Variants in GPC4 observed in about 807,000 individuals in gnomAD.
GPC4 encodes glypican 4, also known as glypican-4.
GPC4 carries 10 observed loss-of-function variants against 35.0 expected under a neutral mutation model. The observed-to-expected ratio is 0.29, with a 90% confidence interval of 0.18 to 0.48. The LOEUF is 0.48. GPC4 is among the 20% of genes least tolerant of loss of function. The probability of loss-of-function intolerance (pLI) is 0.99; values close to 1 mark genes in which losing one functional copy is unlikely to be tolerated. For missense variants in GPC4, 322 were observed against 451.3 expected, an observed-to-expected ratio of 0.71 and a Z score of 2.60; for synonymous variants, 167 against 170.2, an observed-to-expected ratio of 0.98 and a Z score of 0.15.
At chrX:133,378,615 A>C (rs113833637) in intron 1 of GPC4, among the ~76,000 whole-genome samples, 3,624 of 109,693 alleles carry the variant, frequency 0.033, 159 homozygotes, top group African/African-American at 0.11. Context: ...AAATCCCATA[A>C]CTTAACCATC....
rs759177052 is a variant in GPC4 at position 133,300,218 on chromosome X, A to T, written c.*2649T>A. On this transcript the variant is annotated 3_prime_UTR_variant, in exon 9 of 9. Coordinates refer to ENST00000370828, the MANE Select transcript of GPC4 (RefSeq NM_001448.3). ...TAACTAAACTTTAGAAATTTACGTC[A>T]ATTCTTCGCAGTGTCTTTTAATCAA... 5 of 112,579 alleles carry T rather than the reference A, an allele frequency of 4.4e-5. No homozygotes were observed. The highest frequency in any genetic ancestry group is 9.4e-5 in the Non-Finnish European group (5 of 53,306). 9.3% of individuals were successfully genotyped at this position (112,579 alleles called of 1,213,427 possible). A position where few individuals can be genotyped will look rare whatever the true frequency, so the allele number is the denominator to read the frequency against.
At chrX:133,355,505 T>G (rs1330123608) in intron 1 of GPC4, among the ~76,000 whole-genome samples, 6 of 112,237 alleles carry the variant, frequency 5.3e-5, no homozygotes, top group Non-Finnish European at 7.5e-5. Context: ...GAAATAGTCA[T>G]GATGCATTTT....
intron 1 of GPC4, among the ~76,000 whole-genome samples, chrX:133,388,591 G>A (rs2068703884): frequency 9.1e-6 from 1 of 109,327 alleles, no homozygotes. Flanking sequence ...CTGGAGTGCA[G>A]TGGTATGATC....
chrX:133,404,699 A>G (rs2068779470), intron 1 of GPC4, among the ~76,000 whole-genome samples: 1 of 109,680 alleles, frequency 9.1e-6, no homozygotes, highest in Non-Finnish European at 1.9e-5. Context: ...TACTAAAAAT[A>G]TACAAATTAG....
chrX:133,316,768 C>A (rs2068340246), intron 3 of GPC4, among the ~76,000 whole-genome samples: 1 of 111,579 alleles, frequency 9.0e-6, no homozygotes, highest in Non-Finnish European at 1.9e-5. Flanking sequence ...ATGTGTATTA[C>A]TCATCAGTCC....
chrX:133,336,042 T>G (rs779991274), intron 2 of GPC4, among the ~76,000 whole-genome samples: 2 of 111,906 alleles, frequency 1.8e-5, no homozygotes, highest in Admixed American at 1.9e-4. Flanking sequence ...ACCATCTTTT[T>G]AGTCTGCCCA....
chrX:133,374,073 T>C (rs2124161113), intron 1 of GPC4, among the ~76,000 whole-genome samples: 1 of 111,370 alleles, frequency 9.0e-6, no homozygotes, highest in Non-Finnish European at 1.9e-5. Flanking sequence ...TAAAAACCAC[T>C]GAATTGTACA....
chrX:133,325,287 T>A (rs943732636), intron 2 of GPC4, among the ~76,000 whole-genome samples: 4 of 109,537 alleles, frequency 3.7e-5, no homozygotes, highest in South Asian at 4.0e-4. Flanking sequence ...TGTGTGTGTG[T>A]GAGAGAGAGA....
At position 133,324,577 on chromosome X, in the gene GPC4, CGA is replaced by C. The variant is rs1307151287; in HGVS notation, c.320-43_320-42del. On this transcript the variant is annotated intron_variant, in intron 2 of 8. Transcript: ENST00000370828. ...AAAAAAAAAAAAAAAAAAGGAAAAA[CGA>C]GAGTTTTCAGTGTTTAAATAACTGC... 6.9e-6 allele frequency: 7 copies of C among 1,008,974 alleles called. No homozygotes were observed. The East Asian group carries it at 2.0e-4, about 28-fold the overall frequency. 83.2% of individuals were successfully genotyped at this position (1,008,974 alleles called of 1,213,427 possible).
chrX:133,394,836 T>A (rs181516953), intron 1 of GPC4, among the ~76,000 whole-genome samples: 5 of 112,063 alleles, frequency 4.5e-5, no homozygotes, highest in African/African-American at 1.6e-4. Flanking sequence ...TTTTGGTTGA[T>A]CTTCTATTGG....
intron 2 of GPC4, among the ~76,000 whole-genome samples, chrX:133,326,099 T>C (rs1002253852): frequency 1.1e-4 from 12 of 109,844 alleles, no homozygotes; most frequent in Non-Finnish European, 2.3e-4. Context: ...TTTTATTTAC[T>C]GGGCTTTCTT....
At chrX:133,358,555 ACTGT>A (rs1193822292) in intron 1 of GPC4, among the ~76,000 whole-genome samples, 4 of 112,247 alleles carry the variant, frequency 3.6e-5, no homozygotes, top group South Asian at 3.7e-4. Flanking sequence ...GGAAATTTAG[ACTGT>A]CTAAGGATAA....
intron 2 of GPC4, among the ~76,000 whole-genome samples, chrX:133,330,522 GT>G (rs1467580528): frequency 9.1e-6 from 1 of 109,894 alleles, no homozygotes; most frequent in Non-Finnish European, 1.9e-5. Flanking sequence ...ATGTTTTTTT[GT>G]TTGTTTTTTT....
chrX:133,360,357 A>G (rs1346040972), intron 1 of GPC4, among the ~76,000 whole-genome samples: 1 of 111,705 alleles, frequency 9.0e-6, no homozygotes, highest in Non-Finnish European at 1.9e-5. Flanking sequence ...CAAAGACAGG[A>G]ATATTATTTC....
Position 133,324,546 on chromosome X carries a change from ACACC to A in GPC4, c.320-14_320-11del. On this transcript the variant is annotated splice_polypyrimidine_tract_variant and intron_variant, in intron 2 of 8. Transcript: ENST00000370828. The stretch of plus-strand genomic sequence containing the variant: ...AGTTCTTTGAAGAATTCTGAAACCA[ACACC>A]AAAAAAAAAAAAAAAAAAAGGAAAA... 2.0e-6 allele frequency: 2 copies of A among 985,121 alleles called. No individual in the cohort carries two copies. The highest frequency in any genetic ancestry group is 4.2e-5 in the Admixed American group (1 of 23,713). 81.2% of individuals were successfully genotyped at this position (985,121 alleles called of 1,213,427 possible). A position where few individuals can be genotyped will look rare whatever the true frequency, so the allele number is the denominator to read the frequency against.
chrX:133,304,833 T>A lies in GPC4; in HGVS notation c.1184A>T (p.Gln395Leu). 1 of 1,210,520 alleles carries A rather than the reference T, an allele frequency of 8.3e-7. No individual in the cohort carries two copies. The highest frequency in any genetic ancestry group is 1.1e-6 in the Non-Finnish European group (1 of 894,273). Residue 395 changes from glutamine (Q) to leucine (L), a missense_variant, in exon 7 of 9, where the codon CAG becomes CTG. Physicochemically the swap from Gln to Leu is moderately radical, Grantham distance 113 (BLOSUM62 -2). Around this residue, in one of 3 missense-constraint regions of GPC4, gnomAD observed 163 missense variants for 277.2 expected, o/e 0.59. Coordinates refer to ENST00000370828, the MANE Select transcript of GPC4 (RefSeq NM_001448.3). Reference protein sequence around the residue: ...LVTDVKEKLKQAKKFWSSLPS... With the variant: ...LVTDVKEKLKLAKKFWSSLPS... Reference sequence around the variant, plus strand: ...AAGGGAGGACCAGAATTTCTTGGCCTGTTTCAGTTTCTCCTTGACATCAGT... The same window carrying A: ...AAGGGAGGACCAGAATTTCTTGGCCAGTTTCAGTTTCTCCTTGACATCAGT...
chrX:133,382,447 G>T (rs2068665921), intron 1 of GPC4, among the ~76,000 whole-genome samples: 1 of 80,851 alleles, frequency 1.2e-5, no homozygotes, highest in African/African-American at 5.1e-5. Context: ...AAAAAAAAAA[G>T]GCCGGGCACA....
chrX:133,301,785 T>C lies in GPC4; in HGVS notation c.*1082A>G, dbSNP rs909466909. 8.9e-6 allele frequency: 1 copy of C among 112,222 alleles called. No individual in the cohort carries two copies. The highest frequency in any genetic ancestry group is 3.2e-5 in the African/African-American group (1 of 30,859). 9.2% of individuals were successfully genotyped at this position (112,222 alleles called of 1,213,427 possible). ...ATCCCAAAACAAATGGAGATACACATGCACAGACAAAAACTTTGCCCGAGT... is the reference window on the plus strand; with the variant it reads ...ATCCCAAAACAAATGGAGATACACACGCACAGACAAAAACTTTGCCCGAGT... On this transcript the variant is annotated 3_prime_UTR_variant, in exon 9 of 9. Transcript: ENST00000370828.
intron 3 of GPC4, among the ~76,000 whole-genome samples, chrX:133,313,010 C>T (rs1385148148): frequency 2.7e-5 from 3 of 111,992 alleles, no homozygotes; most frequent in Non-Finnish European, 5.6e-5. Flanking sequence ...CCACCCTCCT[C>T]TTTTGGAGTC....
Sources: allele counts gnomAD v4.1 joint callset (sites outside exome capture counted in the v4.1 genomes callset), GRCh38; gene constraint gnomAD v4.1.1; regional missense constraint gnomAD v4.1.1; transcripts MANE v1.5; gene names NCBI Gene and HGNC (gene_info 2026-07-23, HGNC 2026-07-21).